TFB1M: variants seen among roughly 807,000 people sequenced by gnomAD.
TFB1M encodes dimethyladenosine transferase 1, mitochondrial.
Under a neutral mutation model 31.1 loss-of-function variants are expected in TFB1M, and 27 were observed. That is an observed-to-expected ratio of 0.87 (90% CI 0.64 to 1.20). The LOEUF (loss-of-function observed/expected upper bound fraction) is 1.20. Ranked by LOEUF, TFB1M falls within the 50% of genes most tolerant of loss-of-function variation. The probability of loss-of-function intolerance (pLI) is 0.00; values close to 1 mark genes in which losing one functional copy is unlikely to be tolerated. For synonymous variants in TFB1M, 166 were observed against 151.8 expected, an observed-to-expected ratio of 1.09 and a Z score of -0.69; for missense variants, 394 against 418.7, an observed-to-expected ratio of 0.94 and a Z score of 0.51.
chr6:155,275,062 CAAA>C (rs748259610), intron 5 of TFB1M, among the ~76,000 whole-genome samples: 1 of 133,446 alleles, frequency 7.5e-6, no homozygotes, highest in African/African-American at 2.7e-5. Flanking sequence ...ACTAAAAATA[CAAA>C]AAAAAAAAAA....
chr6:155,307,152 C>G (rs932652560), intron 2 of TFB1M, among the ~76,000 whole-genome samples: 1 of 151,564 alleles, frequency 6.6e-6, no homozygotes, highest in African/African-American at 2.4e-5. Context: ...CACACACACA[C>G]ACACACACAC....
At chr6:155,248,246 C>T in the TFB1M span, 5 of 1,518,212 alleles carry the variant, frequency 3.3e-6, no homozygotes, top group Non-Finnish European at 4.4e-6. Flanking sequence ...CAGCCGTGCC[C>T]TGGGCCTGAC....
the TFB1M span, among the ~76,000 whole-genome samples, chr6:155,236,274 C>T: frequency 6.6e-6 from 1 of 151,868 alleles, no homozygotes; most frequent in Admixed American, 6.6e-5. Context: ...GCACCACTCC[C>T]AGAAATCCAA....
rs1784085244 is a variant in TFB1M, at chr6:155,256,907, AC to A, written c.*928del. 6.2e-7 allele frequency: 1 copy of A among 1,614,076 alleles called. No individual in the cohort carries two copies. The highest frequency in any genetic ancestry group is 8.5e-7 in the Non-Finnish European group (1 of 1,180,044). On this transcript the variant is annotated 3_prime_UTR_variant, in exon 7 of 7. Coordinates refer to ENST00000367166, the MANE Select transcript of TFB1M (RefSeq NM_016020.4). ...GAGCAGCCCAAACTGGTCCGGGGGC[AC>A]TTCTGCCCCATTAAACGAAAAGCCA...
intron 5 of TFB1M, among the ~76,000 whole-genome samples, chr6:155,283,237 C>T (rs924233017): frequency 6.6e-6 from 1 of 152,076 alleles, no homozygotes; most frequent in African/African-American, 2.4e-5. Context: ...TCAAGACCAG[C>T]CTGGCCAATA....
At position 155,301,887 on chromosome 6, in the gene TFB1M, AT is replaced by A. The variant is rs919785559; in HGVS notation, c.286-3303del. On this transcript the variant is annotated intron_variant, in intron 2 of 6. Transcript: ENST00000367166. ...AGTTGTACCAAGACTCCAAGAGATA[AT>A]TTTTTTTTCCCTGGTATTATGCTTT... Among the ~76,000 whole-genome samples, 105 of 151,836 alleles carry A rather than the reference AT, an allele frequency of 6.9e-4. No homozygotes were observed. The East Asian group carries it at 0.012, about 17-fold the overall frequency.
chr6:155,289,252 GAA>G (rs3060973), intron 4 of TFB1M, among the ~76,000 whole-genome samples: 13,839 of 152,086 alleles, frequency 0.091, 730 homozygotes, highest in South Asian at 0.13. Context: ...GATGGTGGGA[GAA>G]AAAGAGGCTG....
chr6:155,240,193 T>C, the TFB1M span, among the ~76,000 whole-genome samples: 1 of 152,222 alleles, frequency 6.6e-6, no homozygotes, highest in Non-Finnish European at 1.5e-5. Context: ...TAGAAAGCCA[T>C]AACTTCTTGA....
chr6:155,254,348 A>T, downstream of TFB1M: 1 of 1,563,960 alleles, frequency 6.4e-7, no homozygotes, highest in Non-Finnish European at 8.7e-7. Flanking sequence ...ACAGGAACAC[A>T]GGCGGGCGTG....
intron 5 of TFB1M, among the ~76,000 whole-genome samples, chr6:155,265,168 TGAGGCAGCTTC>T (rs1034966871): frequency 6.0e-4 from 92 of 152,314 alleles, no homozygotes; most frequent in African/African-American, 2.1e-3. Context: ...AGGAGCTGCC[TGAGGCAGCTTC>T]GAGGCTGCCC....
chr6:155,257,595 G>C lies in TFB1M; in HGVS notation c.*241C>G, dbSNP rs1437158104. The C allele has an allele frequency of 4.1e-6, 2 of 485,118 alleles. No individual in the cohort carries two copies. Among genetic ancestry groups the C allele is most frequent in the Admixed American group, 3.9e-5 (1 of 25,722 alleles). The allele number at this position is 485,118 out of a possible 1,614,324, so 30.1% of individuals were successfully genotyped here. A position where few individuals can be genotyped will look rare whatever the true frequency, so the allele number is the denominator to read the frequency against. On this transcript the variant is annotated 3_prime_UTR_variant, in exon 7 of 7. Transcript: ENST00000367166. ...CATTTTTGTAAGATAGATTGTAATA[G>C]ATGCTGTTTATACTAAACATGTCAT...
intron 5 of TFB1M, 60 bp from the exon 6 acceptor site, chr6:155,260,460 A>G (rs1373880779): frequency 6.2e-7 from 1 of 1,608,912 alleles, no homozygotes; most frequent in African/African-American, 1.3e-5. Context: ...AGTGTGATCA[A>G]TCAACTCATC....
In TFB1M at chr6:155,285,239, G is replaced by A; in HGVS notation, c.585C>T (p.Arg195=). 3 of 1,614,058 alleles carry A rather than the reference G, an allele frequency of 1.9e-6. No homozygotes were observed. Among genetic ancestry groups the A allele is most frequent in the Non-Finnish European group, 2.5e-6 (3 of 1,179,916 alleles). ...AGAGGTACTGAGCCATAACAGAGAG[G>A]CGACTACGCTGTTTGCTTCCTGTAT... The part of the protein sequence containing the change: ...AANTGSKQRS[R]LSVMAQYLCN... Residue 195 remains arginine (R), a synonymous_variant, in exon 5 of 7, where the codon CGC becomes CGT. Coordinates refer to ENST00000367166, the MANE Select transcript of TFB1M (RefSeq NM_016020.4).
intron 5 of TFB1M, chr6:155,276,249 C>T (rs1260733312): frequency 1.2e-6 from 2 of 1,614,006 alleles, no homozygotes; most frequent in Non-Finnish European, 1.7e-6. Context: ...TTGTTTATCT[C>T]TGGCATGATT....
chr6:155,243,846 C>CAAAAAAAAAAAAA, the TFB1M span, among the ~76,000 whole-genome samples: 50 of 55,052 alleles, frequency 9.1e-4, 1 homozygote, highest in African/African-American at 3.8e-3. Flanking sequence ...GACTCCGTCT[C>CAAAAAAAAAAAAA]AAAAAAAAAA....
chr6:155,240,736 T>C, the TFB1M span: 1 of 1,590,414 alleles, frequency 6.3e-7, no homozygotes, highest in Non-Finnish European at 8.6e-7. Context: ...CATTTATGCA[T>C]TCGTGCCTCT....
intron 2 of TFB1M, chr6:155,310,876 G>A: frequency 3.3e-6 from 1 of 305,134 alleles, no homozygotes; most frequent in Non-Finnish European, 6.2e-6. Context: ...TGAAGGAATG[G>A]GCCACGACAT....
At position 155,257,005 on chromosome 6, in the gene TFB1M, G is replaced by GA; in HGVS notation, c.*830dup. The GA allele has an allele frequency of 1.9e-6, 3 of 1,614,188 alleles. No homozygotes were observed. The highest frequency in any genetic ancestry group is 1.1e-5 in the South Asian group (1 of 91,084). On this transcript the variant is annotated 3_prime_UTR_variant, in exon 7 of 7. Coordinates refer to ENST00000367166, the MANE Select transcript of TFB1M (RefSeq NM_016020.4). ...TCACCAGTCCCTTGACAGTCAGTCT[G>GA]AAAATGCCACCATCGACCTAAATTC... is the stretch of plus-strand genomic sequence containing the variant.
chr6:155,247,380 G>A, the TFB1M span, among the ~76,000 whole-genome samples: 1 of 152,126 alleles, frequency 6.6e-6, no homozygotes, highest in Non-Finnish European at 1.5e-5. Context: ...CTAGGCTGGA[G>A]TGCAGTGGCG....
Sources: gnomAD v4.1 joint callset for allele counts (sites outside exome capture counted in the v4.1 genomes callset) on GRCh38, gnomAD v4.1.1 for gene constraint, MANE v1.5 for transcripts, NCBI Gene and HGNC (gene_info 2026-07-23, HGNC 2026-07-21) for gene names.